The following NDNF variants were observed in gnomAD, a reference collection of about 807,000 sequenced individuals.
NDNF encodes neuron derived neurotrophic factor.
In NDNF, 16 loss-of-function variants were observed where a neutral mutation model predicts 42.0. The ratio of observed to expected loss-of-function variants is 0.38; its 90% CI spans 0.26 to 0.58. NDNF has a LOEUF of 0.58. Ranked by LOEUF, NDNF falls within the 20% of genes least tolerant of loss-of-function variation. NDNF has a pLI of 0.67. For missense variants in NDNF, 616 were observed against 666.2 expected (o/e 0.92, Z 0.83); for synonymous variants, 248 against 251.7 (o/e 0.99, Z 0.14).
chr4:121,053,485 A>G (rs1281042809), intron 1 of NDNF, among the ~76,000 whole-genome samples: 1 of 152,224 alleles, frequency 6.6e-6, no homozygotes, highest in Non-Finnish European at 1.5e-5. Flanking sequence ...AAGAATAATG[A>G]ATAACAGAAC....
At chr4:121,065,578 G>C (rs1579323349) in intron 1 of NDNF, among the ~76,000 whole-genome samples, 1 of 151,588 alleles carries the variant, frequency 6.6e-6, no homozygotes, top group South Asian at 2.1e-4. Flanking sequence ...GCTTCTGATA[G>C]TGTCAACCTT....
chr4:121,054,235 A>G (rs932837492), intron 1 of NDNF, among the ~76,000 whole-genome samples: 9 of 152,356 alleles, frequency 5.9e-5, no homozygotes, highest in Admixed American at 5.9e-4. Flanking sequence ...GTGAGGTCTG[A>G]AAAAATATGT....
At chr4:121,065,739 C>CAT (rs1301683977) in intron 1 of NDNF, among the ~76,000 whole-genome samples, 3 of 150,698 alleles carry the variant, frequency 2.0e-5, no homozygotes, top group Non-Finnish European at 3.0e-5. Context: ...CACACACACA[C>CAT]ATATATTTTA....
chr4:121,039,156 T>TGTATATATATAC (rs1726936508), intron 3 of NDNF, among the ~76,000 whole-genome samples: 1 of 83,408 alleles, frequency 1.2e-5, no homozygotes, highest in Non-Finnish European at 2.4e-5. Flanking sequence ...TATATATATA[T>TGTATATATATAC]GTATATATAT....
At chr4:121,041,771 C>A (rs1041432427) in intron 2 of NDNF, among the ~76,000 whole-genome samples, 3 of 152,118 alleles carry the variant, frequency 2.0e-5, no homozygotes, top group African/African-American at 4.8e-5. Context: ...GAAAAAGCAT[C>A]CCCGAAGAAA....
At chr4:121,054,034 G>A (rs1464914757) in intron 1 of NDNF, among the ~76,000 whole-genome samples, 2 of 152,170 alleles carry the variant, frequency 1.3e-5, no homozygotes, top group Non-Finnish European at 2.9e-5. Flanking sequence ...AAAATATTGA[G>A]TCACTGCAGT....
chr4:121,038,391 TAAAACAAAAC>T (rs55986130), intron 3 of NDNF, among the ~76,000 whole-genome samples: 3 of 149,386 alleles, frequency 2.0e-5, no homozygotes, highest in African/African-American at 4.9e-5. Context: ...TAAAATAAAA[TAAAACAAAAC>T]AAAACAAAAT....
intron 1 of NDNF, among the ~76,000 whole-genome samples, chr4:121,070,064 G>T (rs943937234): frequency 5.3e-5 from 8 of 152,064 alleles, no homozygotes; most frequent in Admixed American, 4.6e-4. Context: ...TATCTTTTTT[G>T]ACATTTGATT....
At chr4:121,060,944 T>C (rs1727394691) in intron 1 of NDNF, among the ~76,000 whole-genome samples, 1 of 152,144 alleles carries the variant, frequency 6.6e-6, no homozygotes, top group Non-Finnish European at 1.5e-5. Flanking sequence ...GTAATAAAGC[T>C]AACATAATCC....
chr4:121,039,637 G>A (rs72684027), intron 3 of NDNF, among the ~76,000 whole-genome samples: 30,403 of 151,844 alleles, frequency 0.2, 3,353 homozygotes, highest in South Asian at 0.33. Flanking sequence ...TTATACGTAC[G>A]TGATTAGGAT....
chr4:121,071,099 A>G lies in NDNF; in HGVS notation c.-2+894T>C, dbSNP rs538914826. 6.6e-4 allele frequency among the ~76,000 whole-genome samples: 101 copies of G among 152,276 alleles called. 1 individual carries two copies. The highest frequency in any genetic ancestry group is 2.3e-3 in the African/African-American group (97 of 41,566). ...CTCCAAGAAAACAGCTGGGACCTGCAATCACTCGTTCGGACTCCTAGGTTA... is the reference window on the plus strand; with the variant it reads ...CTCCAAGAAAACAGCTGGGACCTGCGATCACTCGTTCGGACTCCTAGGTTA... On this transcript the variant is annotated intron_variant, in intron 1 of 3. Transcript: ENST00000379692.
intron 3 of NDNF, chr4:121,038,250 G>C (rs1726914010): frequency 6.6e-6 from 1 of 152,316 alleles, no homozygotes; most frequent in African/African-American, 2.4e-5. Context: ...AGGTACTTGG[G>C]AGGCTGAGGC....
At chr4:121,051,746 C>G (rs1727198241) in intron 1 of NDNF, among the ~76,000 whole-genome samples, 1 of 152,144 alleles carries the variant, frequency 6.6e-6, no homozygotes, top group African/African-American at 2.4e-5. Context: ...ATTGTATGAA[C>G]AGTGATAAGA....
At chr4:121,044,439 G>A (rs977949280) in intron 2 of NDNF, among the ~76,000 whole-genome samples, 1 of 151,668 alleles carries the variant, frequency 6.6e-6, no homozygotes, top group Non-Finnish European at 1.5e-5. Flanking sequence ...ACTTACAAAG[G>A]GAGAAGAGTT....
At chr4:121,068,830 C>T (rs1400076901) in intron 1 of NDNF, among the ~76,000 whole-genome samples, 6 of 152,154 alleles carry the variant, frequency 3.9e-5, no homozygotes, top group African/African-American at 1.4e-4. Flanking sequence ...GTAATTCACA[C>T]TCTGTTCCTA....
chr4:121,066,318 C>A (rs1281800030), intron 1 of NDNF, among the ~76,000 whole-genome samples: 1 of 152,044 alleles, frequency 6.6e-6, no homozygotes, highest in African/African-American at 2.4e-5. Context: ...CTGATCTGTC[C>A]CACTGTTGGC....
At chr4:121,045,355 G>GA (rs200400980) in intron 2 of NDNF, among the ~76,000 whole-genome samples, 29,699 of 137,020 alleles carry the variant, frequency 0.22, 3,279 homozygotes, top group South Asian at 0.35. Flanking sequence ...CCGTCTCAGG[G>GA]AAAAAAAAAA....
At chr4:121,068,792 A>C (rs1188963211) in intron 1 of NDNF, among the ~76,000 whole-genome samples, 1 of 152,138 alleles carries the variant, frequency 6.6e-6, no homozygotes, top group African/African-American at 2.4e-5. Context: ...AAGGAGATTA[A>C]AATAATCTTA....
chr4:121,040,819 T>C (rs1226252734), intron 2 of NDNF, among the ~76,000 whole-genome samples: 1 of 152,106 alleles, frequency 6.6e-6, no homozygotes, highest in Non-Finnish European at 1.5e-5. Context: ...ATTTTTAAAT[T>C]TTTTTGTACA....
Sources: allele counts gnomAD v4.1 joint callset (sites outside exome capture counted in the v4.1 genomes callset), GRCh38; gene constraint gnomAD v4.1.1; transcripts MANE v1.5; gene names NCBI Gene and HGNC (gene_info 2026-07-23, HGNC 2026-07-21).